TAFA4: variants seen among roughly 807,000 people sequenced by gnomAD.
The protein encoded by TAFA4 is TAFA chemokine like family member 4, also known as chemokine-like protein TAFA-4.
In TAFA4, 20 loss-of-function variants were observed where a neutral mutation model predicts 21.1. The ratio of observed to expected loss-of-function variants is 0.95; its 90% confidence interval spans 0.67 to 1.38. The LOEUF (loss-of-function observed/expected upper bound fraction) is 1.38, where lower values mean the gene tolerates loss of function less well. Among genes scored for constraint, TAFA4 ranks in the 40% most tolerant of loss-of-function variants. The pLI is 0.00. For missense variants in TAFA4, 211 were observed against 180.9 expected (o/e 1.17, Z -0.95); for synonymous variants, 71 against 67.4 (o/e 1.05, Z -0.26).
At chr3:68,856,000 C>G (rs2171870) in intron 3 of TAFA4, among the ~76,000 whole-genome samples, 70,490 of 151,884 alleles carry the variant, frequency 0.46, 16,995 homozygotes, top group African/African-American at 0.56. Flanking sequence ...CACAACAAAA[C>G]TCCCAAACTA....
chr3:68,785,700 A>G (rs1379666558), intron 3 of TAFA4, among the ~76,000 whole-genome samples: 1 of 152,244 alleles, frequency 6.6e-6, no homozygotes, highest in East Asian at 1.9e-4. Flanking sequence ...TGGCCAGTCC[A>G]GAAAGGGACT....
chr3:68,733,124 A>G lies in TAFA4; in HGVS notation c.*18T>C. The stretch of plus-strand genomic sequence containing the variant: ...CCTCCTGCTGCCCCTCCAGGATTGA[A>G]GCACACCTCTCTCTTCGCTACCGCG... On this transcript the variant is annotated 3_prime_UTR_variant, in exon 6 of 6. Transcript: ENST00000295569. 6.2e-7 allele frequency: 1 copy of G among 1,613,206 alleles called. No individual in the cohort carries two copies. The highest frequency in any genetic ancestry group is 8.5e-7 in the Non-Finnish European group (1 of 1,179,444).
chr3:68,760,348 T>C (rs1054874134), intron 3 of TAFA4, among the ~76,000 whole-genome samples: 44 of 152,202 alleles, frequency 2.9e-4, no homozygotes, highest in African/African-American at 1.0e-3. Context: ...GGCTTTTCTA[T>C]TGTGAAAGGG....
chr3:68,823,998 T>C (rs2106867298), intron 3 of TAFA4, among the ~76,000 whole-genome samples: 1 of 152,292 alleles, frequency 6.6e-6, no homozygotes, highest in Non-Finnish European at 1.5e-5. Context: ...GAAGGGTCCA[T>C]CAGCTTCACC....
intron 3 of TAFA4, among the ~76,000 whole-genome samples, chr3:68,805,819 G>C (rs1210179019): frequency 6.6e-6 from 1 of 151,798 alleles, no homozygotes; most frequent in African/African-American, 2.4e-5. Context: ...GTGGGGGGAG[G>C]AGAGGGGGAT....
chr3:68,784,075 G>A (rs938324919), intron 3 of TAFA4, among the ~76,000 whole-genome samples: 4 of 152,166 alleles, frequency 2.6e-5, no homozygotes, highest in African/African-American at 7.2e-5. Context: ...AGGGTCACAC[G>A]TTAACAGAAA....
chr3:68,832,248 G>A (rs1198366423), intron 3 of TAFA4, among the ~76,000 whole-genome samples: 1 of 152,176 alleles, frequency 6.6e-6, no homozygotes, highest in Non-Finnish European at 1.5e-5. Flanking sequence ...TTCCTTTGGA[G>A]GAAAAGAGGC....
intron 3 of TAFA4, among the ~76,000 whole-genome samples, chr3:68,857,274 G>A (rs1705091676): frequency 6.6e-6 from 1 of 152,132 alleles, no homozygotes; most frequent in African/African-American, 2.4e-5. Flanking sequence ...ACTGCAGCAT[G>A]TCTAAAGGAC....
chr3:68,909,856 T>C (rs7641417), intron 1 of TAFA4, among the ~76,000 whole-genome samples: 146,376 of 152,262 alleles, frequency 0.96, 70,638 homozygotes, highest in East Asian at 1. Context: ...AGATGCTTTG[T>C]TTAGGGTCTC....
At chr3:68,744,511 G>C (rs968278897) in intron 4 of TAFA4, among the ~76,000 whole-genome samples, 5 of 152,202 alleles carry the variant, frequency 3.3e-5, no homozygotes, top group Non-Finnish European at 7.3e-5. Context: ...AGTGAAGTGA[G>C]AAATTGCGGA....
At chr3:68,792,562 G>T (rs1412393628) in intron 3 of TAFA4, among the ~76,000 whole-genome samples, 2 of 152,078 alleles carry the variant, frequency 1.3e-5, no homozygotes, top group African/African-American at 4.8e-5. Flanking sequence ...CTCTATTTCA[G>T]ATACAAAATA....
chr3:68,797,907 C>G (rs1177177463), intron 3 of TAFA4, among the ~76,000 whole-genome samples: 1 of 152,166 alleles, frequency 6.6e-6, no homozygotes, highest in Non-Finnish European at 1.5e-5. Context: ...TACATAATGC[C>G]ACCGTACTAT....
intron 3 of TAFA4, among the ~76,000 whole-genome samples, chr3:68,810,131 A>C: frequency 6.6e-6 from 1 of 152,230 alleles, no homozygotes. Context: ...GAATTTGATA[A>C]GGAATGCATG....
At chr3:68,920,206 A>C (rs1419454333) in intron 1 of TAFA4, among the ~76,000 whole-genome samples, 1 of 152,222 alleles carries the variant, frequency 6.6e-6, no homozygotes, top group Admixed American at 6.5e-5. Context: ...ATAAACGTGG[A>C]TAATCTCCAA....
Position 68,752,867 on chromosome 3 carries a change from A to C in TAFA4, c.282T>G (p.Val94=), listed in dbSNP as rs202244953. The C allele has an allele frequency of 3.1e-6, 5 of 1,614,078 alleles. No homozygotes were observed. Among genetic ancestry groups the C allele is most frequent in the Non-Finnish European group, 4.2e-6 (5 of 1,180,010 alleles). The change falls in exon 4 of 6, where the codon GTT becomes GTG. Residue 94 remains valine, a synonymous_variant. Transcript: ENST00000295569. Reference sequence around the variant, plus strand: ...TGCTGACCAGAGAGGTCTTACCTTCAACACAAGAAGGTTGAGCCCGAGTTG... The same window carrying C: ...TGCTGACCAGAGAGGTCTTACCTTCCACACAAGAAGGTTGAGCCCGAGTTG... ...AGTTRAQPSC[V]EASIVIQKWW...
intron 3 of TAFA4, among the ~76,000 whole-genome samples, chr3:68,820,813 C>CA (rs1704097028): frequency 6.6e-6 from 1 of 152,106 alleles, no homozygotes; most frequent in African/African-American, 2.4e-5. Context: ...ATTTGTACAC[C>CA]ATAAATACCT....
At chr3:68,745,121 G>A (rs1298274396) in intron 4 of TAFA4, among the ~76,000 whole-genome samples, 2 of 152,152 alleles carry the variant, frequency 1.3e-5, no homozygotes, top group Admixed American at 1.3e-4. Flanking sequence ...TATGAGTTAA[G>A]GATTGACTAA....
In TAFA4 at chr3:68,732,944, A is replaced by G; in HGVS notation, c.*198T>C. 3 of 614,498 alleles carry G rather than the reference A, an allele frequency of 4.9e-6. No homozygotes were observed. The highest frequency in any genetic ancestry group is 8.3e-6 in the Non-Finnish European group (3 of 363,428). 38.1% of individuals were successfully genotyped at this position (614,498 alleles called of 1,614,324 possible). A position where few individuals can be genotyped will look rare whatever the true frequency, so the allele number is the denominator to read the frequency against. On this transcript the variant is annotated 3_prime_UTR_variant, in exon 6 of 6. Transcript: ENST00000295569. ...GTCAAATGGGTGGTGGCTTGTGGTT[A>G]TAATTCAATGAAATAAAATCACGAA...
chr3:68,746,423 C>T (rs1162061016), intron 4 of TAFA4, among the ~76,000 whole-genome samples: 1 of 152,138 alleles, frequency 6.6e-6, no homozygotes, highest in Admixed American at 6.5e-5. Flanking sequence ...ATGTATGTTT[C>T]TACTGCAACT....
Sources: gnomAD v4.1 joint callset for allele counts (sites outside exome capture counted in the v4.1 genomes callset) on GRCh38, gnomAD v4.1.1 for gene constraint, MANE v1.5 for transcripts, NCBI Gene and HGNC (gene_info 2026-07-23, HGNC 2026-07-21) for gene names.